LTA4H: variants seen among roughly 807,000 people sequenced by gnomAD.
LTA4H encodes leukotriene A4 hydrolase.
A neutral mutation model predicts 89.8 loss-of-function variants in LTA4H; 59 were observed. The observed-to-expected ratio is 0.66, with a 90% CI of 0.53 to 0.82. The LOEUF is 0.82. Ranked by LOEUF, LTA4H falls within the 40% of genes least tolerant of loss-of-function variation. The pLI is 0.00. For synonymous variants in LTA4H, 227 were observed against 253.1 expected (o/e 0.90, Z 0.98); for missense variants, 617 against 727.0 (o/e 0.85, Z 1.74).
At chr12:96,028,942 C>T (rs1309743240) in intron 2 of LTA4H, 113 bp downstream of exon 2, 2 of 784,534 alleles carry the variant, frequency 2.5e-6, no homozygotes, top group Admixed American at 3.4e-5. Context: ...AAGTAGTGTA[C>T]CAATCATTAC....
At chr12:96,019,555 T>C (rs1334133245) in intron 6 of LTA4H, among the ~76,000 whole-genome samples, 1 of 151,156 alleles carries the variant, frequency 6.6e-6, no homozygotes, top group Non-Finnish European at 1.5e-5. Flanking sequence ...TTCACAACTA[T>C]AGAAACCCAG....
intron 1 of LTA4H, among the ~76,000 whole-genome samples, chr12:96,031,803 T>G (rs1225375924): frequency 6.6e-6 from 1 of 152,244 alleles, no homozygotes; most frequent in Non-Finnish European, 1.5e-5. Context: ...TTATTTTTAA[T>G]CTTATACTAT....
At chr12:96,015,949 G>T (rs1263157065) in intron 10 of LTA4H, among the ~76,000 whole-genome samples, 1 of 152,152 alleles carries the variant, frequency 6.6e-6, no homozygotes. Flanking sequence ...AGTATATCAG[G>T]AATTAAACTT....
At chr12:96,020,141 G>A (rs1430132637) in intron 6 of LTA4H, among the ~76,000 whole-genome samples, 1 of 151,992 alleles carries the variant, frequency 6.6e-6, no homozygotes, top group Non-Finnish European at 1.5e-5. Flanking sequence ...CTGGGCTCAA[G>A]CGATCCTCCC....
upstream of LTA4H, chr12:96,035,614 A>G (rs1950633654): frequency 6.8e-7 from 1 of 1,469,622 alleles, no homozygotes; most frequent in Non-Finnish European, 9.1e-7. Context: ...AGAGAGGTAA[A>G]GAAGAGGAGG....
At position 96,022,730 on chromosome 12, in the gene LTA4H, A is replaced by C. The variant is rs192498506; in HGVS notation, c.481-479T>G. Among the ~76,000 whole-genome samples the C allele has an allele frequency of 8.3e-4, 127 of 152,272 alleles. 1 individual carries two copies. Among genetic ancestry groups the C allele is most frequent in the African/African-American group, 2.8e-3 (115 of 41,560 alleles). ...CAGTTTCCCCATCAAGTAAGTGTAA[A>C]ACTTCAAAGGCTTGCTGCAAGGAAT... On this transcript the variant is annotated intron_variant, in intron 4 of 18. Transcript: ENST00000228740. This position sits in a 1 kb window ranked among gnomAD's most constrained non-coding sequence, Gnocchi z 4.0.
intron 8 of LTA4H, 45 bp downstream of exon 8, chr12:96,018,718 T>G (rs747875553): frequency 1.4e-6 from 2 of 1,467,924 alleles, no homozygotes; most frequent in South Asian, 1.5e-5. Flanking sequence ...TTCTTAAGTT[T>G]ATTTTTGAAA....
chr12:96,029,747 G>A (rs1950553116), intron 1 of LTA4H, among the ~76,000 whole-genome samples: 1 of 152,074 alleles, frequency 6.6e-6, no homozygotes, highest in Non-Finnish European at 1.5e-5. Flanking sequence ...AACTGCTTTG[G>A]GCATGAAGGA....
intron 1 of LTA4H, among the ~76,000 whole-genome samples, chr12:96,030,720 T>C (rs943567592): frequency 6.6e-6 from 1 of 152,192 alleles, no homozygotes; most frequent in African/African-American, 2.4e-5. Context: ...TTTTTTCCTT[T>C]TCTGAAATCT....
intron 14 of LTA4H, chr12:96,011,511 T>C (rs752585238): frequency 1.3e-5 from 2 of 152,226 alleles, no homozygotes; most frequent in African/African-American, 2.4e-5. Context: ...TATTCTCCTT[T>C]GTAAGTCATC....
chr12:96,003,751 G>T, intron 17 of LTA4H, 87 bp downstream of exon 17: 1 of 815,012 alleles, frequency 1.2e-6, no homozygotes. Flanking sequence ...ACTCAAGTAT[G>T]TCTCATACTC....
At chr12:96,024,065 G>C (rs1950484744) in intron 4 of LTA4H, among the ~76,000 whole-genome samples, 1 of 151,906 alleles carries the variant, frequency 6.6e-6, no homozygotes, top group South Asian at 2.1e-4. Context: ...GAGTAGCTGG[G>C]ACTACAGGTG....
At chr12:96,013,034 T>C in intron 14 of LTA4H, 154 bp downstream of exon 14, 1 of 535,722 alleles carries the variant, frequency 1.9e-6, no homozygotes, top group Non-Finnish European at 3.4e-6. Context: ...AAATTATTCT[T>C]TTGGCCTCAG....
chr12:96,034,917 G>T (rs1017557726), intron 1 of LTA4H, among the ~76,000 whole-genome samples: 6 of 152,230 alleles, frequency 3.9e-5, no homozygotes, highest in African/African-American at 1.4e-4. Flanking sequence ...AAAAGTCTGG[G>T]GCCTGAAGAA....
intron 8 of LTA4H, 91 bp from the exon 9 acceptor site, chr12:96,017,671 C>T: frequency 4.7e-6 from 4 of 849,040 alleles, no homozygotes; most frequent in Non-Finnish European, 7.8e-6. Context: ...CATACTGGCA[C>T]TGGTGATCCA....
intron 6 of LTA4H, 53 bp downstream of exon 6, chr12:96,021,032 G>A (rs757554910): frequency 2.8e-4 from 406 of 1,452,244 alleles, no homozygotes; most frequent in South Asian, 9.1e-4. Context: ...AGAAGTTCAA[G>A]ATGCCTAAGT....
At chr12:96,006,463 A>T in intron 15 of LTA4H, 54 bp from the exon 16 acceptor site, 1 of 1,021,598 alleles carries the variant, frequency 9.8e-7, no homozygotes, top group Non-Finnish European at 1.5e-6. Flanking sequence ...AATAATACTT[A>T]TTGGTTTATC....
In LTA4H at chr12:96,035,404, G is replaced by T; in HGVS notation, c.116C>A (p.Ala39Asp). 1 of 1,611,582 alleles carries T rather than the reference G, an allele frequency of 6.2e-7. No individual in the cohort carries two copies. The highest frequency in any genetic ancestry group is 1.6e-4 in the Middle Eastern group (1 of 6,062). The part of the protein sequence containing the change: ...DFTRRTLTGT[A>D]ALTVQSQEDN... Reference sequence around the variant, plus strand: ...CTCCTGAGACTGGACCGTGAGAGCAGCAGTCCCGGTCAGCGTCCGGCGAGT... The same window carrying T: ...CTCCTGAGACTGGACCGTGAGAGCATCAGTCCCGGTCAGCGTCCGGCGAGT... Residue 39 changes from alanine (A) to aspartate (D), a missense_variant, in exon 1 of 19, where the codon GCT becomes GAT. Transcript: ENST00000228740.
intron 8 of LTA4H, among the ~76,000 whole-genome samples, chr12:96,017,996 T>C (rs891744813): frequency 1.3e-5 from 2 of 152,220 alleles, no homozygotes; most frequent in Non-Finnish European, 2.9e-5. Context: ...ATCACTCATT[T>C]TGGTTCTAAG....
Sources: gnomAD v4.1 joint callset for allele counts (sites outside exome capture counted in the v4.1 genomes callset) on GRCh38, gnomAD v4.1.1 for gene constraint, Gnocchi (gnomAD v3.1) non-coding constraint, MANE v1.5 for transcripts, NCBI Gene and HGNC (gene_info 2026-07-23, HGNC 2026-07-21) for gene names.